SLC1A1: variants seen among roughly 807,000 people sequenced by gnomAD.
The protein encoded by SLC1A1 is excitatory amino acid transporter 3.
A neutral mutation model predicts 53.3 loss-of-function variants in SLC1A1; 43 were observed. That is an observed-to-expected ratio of 0.81 (90% CI 0.63 to 1.04). SLC1A1 has a LOEUF of 1.04. Ranked by LOEUF, SLC1A1 falls within the 50% of genes least tolerant of loss-of-function variation. The pLI, the probability that SLC1A1 is intolerant of heterozygous loss-of-function variation, is 0.00. For missense variants in SLC1A1, 748 were observed against 664.9 expected (o/e 1.12, Z -1.37); for synonymous variants, 307 against 243.2 (o/e 1.26, Z -2.44).
intron 1 of SLC1A1, among the ~76,000 whole-genome samples, chr9:4,498,932 G>GTATTATATACATAATATATACATATA (rs1820536160): frequency 7.0e-6 from 1 of 142,040 alleles, no homozygotes; most frequent in African/African-American, 2.6e-5. Flanking sequence ...ACATATGTAT[G>GTATTATATACATAATATATACATATA]TATTATATAC....
intron 2 of SLC1A1, among the ~76,000 whole-genome samples, chr9:4,547,040 G>A (rs2130883538): frequency 6.6e-6 from 1 of 152,300 alleles, no homozygotes; most frequent in African/African-American, 2.4e-5. Context: ...AGAAGAAAAG[G>A]TAAAAATACA....
Position 4,542,645 on chromosome 9 carries a change from G to C in SLC1A1, c.92-1922G>C, listed in dbSNP as rs760637639. Among the ~76,000 whole-genome samples, 6 of 152,280 alleles carry C rather than the reference G, an allele frequency of 3.9e-5. No homozygotes were observed. In the East Asian group the frequency reaches 1.2e-3, roughly 29 times the overall value. The stretch of plus-strand genomic sequence containing the variant: ...CTGAATAGTATGAGAGAGAATATTT[G>C]TTTTTTAAAGTCCTGGGAATTACAG... On this transcript the variant is annotated intron_variant, in intron 1 of 11. Transcript: ENST00000262352.
chr9:4,570,432 C>T (rs1017097366), intron 6 of SLC1A1, among the ~76,000 whole-genome samples: 6 of 151,124 alleles, frequency 4.0e-5, no homozygotes, highest in South Asian at 2.1e-4. Context: ...AGTGCAGTGG[C>T]GTGACCTTGG....
intron 2 of SLC1A1, among the ~76,000 whole-genome samples, chr9:4,550,888 T>C (rs1817874865): frequency 6.6e-6 from 1 of 152,196 alleles, no homozygotes; most frequent in African/African-American, 2.4e-5. Context: ...CCAACTCTGT[T>C]TGTCATGGGA....
At chr9:4,521,270 G>T (rs1816061037) in intron 1 of SLC1A1, among the ~76,000 whole-genome samples, 1 of 152,124 alleles carries the variant, frequency 6.6e-6, no homozygotes, top group Non-Finnish European at 1.5e-5. Flanking sequence ...TGTGAAGCTT[G>T]GTTGTCTCTA....
intron 1 of SLC1A1, among the ~76,000 whole-genome samples, chr9:4,509,088 G>A (rs1820903839): frequency 6.6e-6 from 1 of 152,124 alleles, no homozygotes; most frequent in Non-Finnish European, 1.5e-5. Context: ...AGGCTTTAAG[G>A]GGTGGGTAGG....
At chr9:4,518,805 A>G (rs1236268573) in intron 1 of SLC1A1, among the ~76,000 whole-genome samples, 1 of 152,206 alleles carries the variant, frequency 6.6e-6, no homozygotes, top group Non-Finnish European at 1.5e-5. Flanking sequence ...GGGAAGGAAG[A>G]AAGAAGAAGA....
chr9:4,547,529 T>C (rs1817589959), intron 2 of SLC1A1, among the ~76,000 whole-genome samples: 2 of 152,326 alleles, frequency 1.3e-5, no homozygotes, highest in African/African-American at 4.8e-5. Flanking sequence ...AAGACTAGTG[T>C]TGGCACAGTT....
At chr9:4,526,417 G>A (rs1816261399) in intron 1 of SLC1A1, among the ~76,000 whole-genome samples, 1 of 152,152 alleles carries the variant, frequency 6.6e-6, no homozygotes, top group Admixed American at 6.5e-5. Context: ...TACCATGTGA[G>A]TTAGATTTTT....
intron 10 of SLC1A1, among the ~76,000 whole-genome samples, chr9:4,582,064 A>G (rs1383694356): frequency 6.6e-6 from 1 of 152,228 alleles, no homozygotes; most frequent in African/African-American, 2.4e-5. Flanking sequence ...AAGGGCAAGG[A>G]CTTGTCTCCA....
intron 1 of SLC1A1, among the ~76,000 whole-genome samples, chr9:4,502,680 C>T (rs1028754926): frequency 6.6e-6 from 1 of 151,728 alleles, no homozygotes; most frequent in Non-Finnish European, 1.5e-5. Flanking sequence ...CTGTCTGATT[C>T]CAAAGCTTAG....
At chr9:4,516,984 C>A (rs1282609676) in intron 1 of SLC1A1, among the ~76,000 whole-genome samples, 1 of 152,176 alleles carries the variant, frequency 6.6e-6, no homozygotes, top group Non-Finnish European at 1.5e-5. Context: ...ACTTTGGTGT[C>A]CAACAGAACT....
At chr9:4,491,253 T>C (rs1820227228) in intron 1 of SLC1A1, among the ~76,000 whole-genome samples, 1 of 152,160 alleles carries the variant, frequency 6.6e-6, no homozygotes, top group African/African-American at 2.4e-5. Flanking sequence ...GGCCGGACCC[T>C]TAGGGGAGGG....
At chr9:4,529,386 G>A (rs931808813) in intron 1 of SLC1A1, among the ~76,000 whole-genome samples, 1 of 152,094 alleles carries the variant, frequency 6.6e-6, no homozygotes, top group African/African-American at 2.4e-5. Context: ...TTAAGCCTTT[G>A]CAGTAGTCTT....
At chr9:4,527,198 A>G (rs1816294076) in intron 1 of SLC1A1, among the ~76,000 whole-genome samples, 1 of 152,198 alleles carries the variant, frequency 6.6e-6, no homozygotes, top group Non-Finnish European at 1.5e-5. Context: ...TCCTGAGAAC[A>G]GCATCATGAG....
intron 1 of SLC1A1, among the ~76,000 whole-genome samples, chr9:4,534,041 C>G (rs1278812602): frequency 6.6e-6 from 1 of 152,188 alleles, no homozygotes; most frequent in Non-Finnish European, 1.5e-5. Context: ...ACCAGAATCT[C>G]TGGGACACGT....
chr9:4,537,544 C>T (rs1391749611), intron 1 of SLC1A1, among the ~76,000 whole-genome samples: 1 of 37,108 alleles, frequency 2.7e-5, no homozygotes, highest in African/African-American at 1.1e-4. Flanking sequence ...CCGGCCTGGG[C>T]GACAGAGCGA....
In SLC1A1 at chr9:4,544,857, G is replaced by C. The variant is rs905129250; in HGVS notation, c.232+150G>C. On this transcript the variant is annotated intron_variant, in intron 2 of 11. Coordinates refer to ENST00000262352, the MANE Select transcript of SLC1A1 (RefSeq NM_004170.6). ...AAGGTCTCAGGAAACTCACAATCAT[G>C]GCGGAAGGCAAAGGGGAAGCAAGAC... 10 of 720,458 alleles carry C rather than the reference G, an allele frequency of 1.4e-5. No individual in the cohort carries two copies. The African/African-American group carries it at 1.4e-4, about 10-fold the overall frequency. The allele number at this position is 720,458 out of a possible 1,614,324, so 44.6% of individuals were successfully genotyped here.
intron 1 of SLC1A1, among the ~76,000 whole-genome samples, chr9:4,507,282 G>A (rs972328059): frequency 6.6e-6 from 1 of 151,864 alleles, no homozygotes; most frequent in African/African-American, 2.4e-5. Context: ...AAATCCTCAA[G>A]TGTTACTGTG....
Sources: allele counts gnomAD v4.1 joint callset (sites outside exome capture counted in the v4.1 genomes callset), GRCh38; gene constraint gnomAD v4.1.1; transcripts MANE v1.5; gene names NCBI Gene and HGNC (gene_info 2026-07-23, HGNC 2026-07-21).